Variants in ADAMTS17 observed in about 807,000 individuals in gnomAD.
The protein encoded by ADAMTS17 is A disintegrin and metalloproteinase with thrombospondin motifs 17.
A neutral mutation model predicts 141.5 loss-of-function variants in ADAMTS17; 113 were observed. That is an observed-to-expected ratio of 0.80 (90% confidence interval 0.69 to 0.93). The LOEUF (loss-of-function observed/expected upper bound fraction) is 0.93. ADAMTS17 is among the 40% of genes least tolerant of loss of function. The pLI is 0.00. For synonymous variants in ADAMTS17, 768 were observed against 630.6 expected (o/e 1.22, Z -3.27); for missense variants, 1,659 against 1,517.9 (o/e 1.09, Z -1.54).
At position 100,237,966 on chromosome 15, in the gene ADAMTS17, T is replaced by C. The variant is rs540167203; in HGVS notation, c.1075+16170A>G. On this transcript the variant is annotated intron_variant, in intron 7 of 21. Coordinates refer to ENST00000268070, the MANE Select transcript of ADAMTS17 (RefSeq NM_139057.4). The stretch of plus-strand genomic sequence containing the variant: ...AGTGACTTGCCCAAGGTCAAGGAAA[T>C]GGCAGAAGAAAGACTCAAATCCAGG... 2.0e-5 allele frequency among the ~76,000 whole-genome samples: 3 copies of C among 152,164 alleles called. No homozygotes were observed. In the South Asian group the frequency reaches 6.2e-4, roughly 32 times the overall value.
chr15:100,078,518 C>T (rs924591859), intron 15 of ADAMTS17, among the ~76,000 whole-genome samples: 7 of 151,702 alleles, frequency 4.6e-5, no homozygotes, highest in Non-Finnish European at 8.8e-5. Flanking sequence ...TATCCATATG[C>T]GAAAGGATGA....
intron 3 of ADAMTS17, among the ~76,000 whole-genome samples, chr15:100,320,837 G>C (rs1177400733): frequency 6.6e-6 from 1 of 151,392 alleles, no homozygotes; most frequent in Non-Finnish European, 1.5e-5. Flanking sequence ...TGTCTCAAAA[G>C]AAGAAAAAAA....
chr15:100,123,084 C>T (rs973133413), intron 12 of ADAMTS17, among the ~76,000 whole-genome samples: 12 of 152,156 alleles, frequency 7.9e-5, no homozygotes, highest in Non-Finnish European at 2.9e-5. Flanking sequence ...CCCCAACTTT[C>T]CCAAGGACCC....
At chr15:100,306,425 G>A (rs1049941877) in intron 3 of ADAMTS17, 10 of 454,096 alleles carry the variant, frequency 2.2e-5, no homozygotes, top group South Asian at 4.7e-5. Context: ...AGGTATGGAC[G>A]CCAAGCTGCA....
chr15:99,990,508 GT>G (rs990299184), intron 20 of ADAMTS17, among the ~76,000 whole-genome samples: 13 of 152,254 alleles, frequency 8.5e-5, no homozygotes, highest in African/African-American at 3.1e-4. Context: ...TTGGTCAGAT[GT>G]TTTGACCAGG....
At chr15:100,101,144 C>T (rs1422361837) in intron 14 of ADAMTS17, among the ~76,000 whole-genome samples, 1 of 152,236 alleles carries the variant, frequency 6.6e-6, no homozygotes, top group African/African-American at 2.4e-5. Context: ...CTGCCTGGAG[C>T]TCTCTGCCCC....
chr15:100,096,121 G>C (rs941090008), intron 15 of ADAMTS17, among the ~76,000 whole-genome samples: 1 of 152,206 alleles, frequency 6.6e-6, no homozygotes, highest in African/African-American at 2.4e-5. Flanking sequence ...TGGACCTCAG[G>C]CTAAGTGGGG....
At chr15:100,226,179 T>G (rs747080418) in intron 7 of ADAMTS17, among the ~76,000 whole-genome samples, 2 of 152,252 alleles carry the variant, frequency 1.3e-5, no homozygotes, top group Admixed American at 1.3e-4. Flanking sequence ...ATGGCCTCTG[T>G]GCCATTCCGT....
intron 11 of ADAMTS17, 125 bp from the exon 12 acceptor site, chr15:100,132,277 A>C (rs946266849): frequency 2.5e-5 from 34 of 1,336,540 alleles, no homozygotes; most frequent in Non-Finnish European, 3.4e-5. Context: ...GGTACAGTCT[A>C]TTTCAGGGTT....
At chr15:100,100,876 TC>T (rs2036055362) in intron 14 of ADAMTS17, among the ~76,000 whole-genome samples, 1 of 151,824 alleles carries the variant, frequency 6.6e-6, no homozygotes, top group Non-Finnish European at 1.5e-5. Flanking sequence ...CAGCCTGCCT[TC>T]CTCCCCCACT....
In ADAMTS17 at chr15:99,992,849, T is replaced by C. The variant is rs185989125; in HGVS notation, c.2949+199A>G. ...TCTCCCAGTGAGCCCCAAGGGGCAG[T>C]GCTGGTGCAGCCTGTGGGAGAAGCA... On this transcript the variant is annotated intron_variant, in intron 20 of 21. Coordinates refer to ENST00000268070, the MANE Select transcript of ADAMTS17 (RefSeq NM_139057.4). Among the ~76,000 whole-genome samples the C allele has an allele frequency of 2.4e-3, 372 of 152,330 alleles. 2 individuals are homozygous for C. Among genetic ancestry groups the C allele is most frequent in the African/African-American group, 8.3e-3 (345 of 41,586 alleles).
intron 16 of ADAMTS17, 107 bp downstream of exon 16, chr15:100,053,790 T>C: frequency 1.9e-6 from 3 of 1,544,962 alleles, no homozygotes; most frequent in Non-Finnish European, 2.7e-6. Flanking sequence ...GGAAGCCAGA[T>C]GCATTTCCTG....
intron 3 of ADAMTS17, among the ~76,000 whole-genome samples, chr15:100,323,198 T>A (rs1226303089): frequency 6.7e-6 from 1 of 149,792 alleles, no homozygotes; most frequent in African/African-American, 2.5e-5. Flanking sequence ...TTCTGCCACA[T>A]GCTGTGTTTA....
intron 8 of ADAMTS17, among the ~76,000 whole-genome samples, chr15:100,157,664 A>C (rs1210870482): frequency 6.6e-6 from 1 of 152,166 alleles, no homozygotes; most frequent in Non-Finnish European, 1.5e-5. Context: ...TTATCTGTTT[A>C]ATAGCAAAGA....
chr15:100,266,865 T>C (rs544820913), intron 4 of ADAMTS17, among the ~76,000 whole-genome samples: 1 of 152,128 alleles, frequency 6.6e-6, no homozygotes, highest in African/African-American at 2.4e-5. Flanking sequence ...TCCTACTGCA[T>C]GAGCTCCGGA....
At chr15:99,981,004 CCTCAGGG>C (rs2060472750) in intron 20 of ADAMTS17, among the ~76,000 whole-genome samples, 1 of 152,242 alleles carries the variant, frequency 6.6e-6, no homozygotes, top group South Asian at 2.1e-4. Flanking sequence ...CCACAACAAT[CCTCAGGG>C]CTGATGCCGG....
chr15:100,025,175 A>G (rs1431788771), intron 18 of ADAMTS17, among the ~76,000 whole-genome samples: 1 of 152,144 alleles, frequency 6.6e-6, no homozygotes. Context: ...TTATATTTTC[A>G]TTATAAATTA....
chr15:100,058,750 G>A (rs761889866), intron 15 of ADAMTS17, among the ~76,000 whole-genome samples: 10 of 152,218 alleles, frequency 6.6e-5, no homozygotes, highest in African/African-American at 9.6e-5. Context: ...ACCGGAGCGG[G>A]GTCTTGCTTG....
intron 8 of ADAMTS17, among the ~76,000 whole-genome samples, chr15:100,195,286 G>A (rs1314442611): frequency 6.6e-6 from 1 of 152,222 alleles, no homozygotes; most frequent in Non-Finnish European, 1.5e-5. Flanking sequence ...CCGCAGCAGG[G>A]CTGGGAAGTC....
Sources: gnomAD v4.1 joint callset for allele counts (sites outside exome capture counted in the v4.1 genomes callset) on GRCh38, gnomAD v4.1.1 for gene constraint, MANE v1.5 for transcripts, NCBI Gene and HGNC (gene_info 2026-07-23, HGNC 2026-07-21) for gene names.